Variants in TPD52 observed in about 807,000 individuals in gnomAD.
The protein encoded by TPD52 is prostate and colon associated protein.
Under a neutral mutation model 31.3 loss-of-function variants are expected in TPD52, and 17 were observed. The ratio of observed to expected loss-of-function variants is 0.54; its 90% CI spans 0.37 to 0.82. The LOEUF is 0.82. Ranked by LOEUF, TPD52 falls within the 40% of genes least tolerant of loss-of-function variation. The pLI, the probability that TPD52 is intolerant of heterozygous loss-of-function variation, is 0.00. For synonymous variants in TPD52, 83 were observed against 89.6 expected, an observed-to-expected ratio of 0.93 and a Z score of 0.42; for missense variants, 212 against 240.1, an observed-to-expected ratio of 0.88 and a Z score of 0.77.
At chr8:80,063,810 T>C (rs934171029) in intron 2 of TPD52, among the ~76,000 whole-genome samples, 8 of 148,154 alleles carry the variant, frequency 5.4e-5, no homozygotes, top group African/African-American at 1.0e-4. Flanking sequence ...AAATAAAATA[T>C]AATAAAATGG....
intron 1 of TPD52, among the ~76,000 whole-genome samples, chr8:80,162,741 G>A (rs140009799): frequency 2.1e-4 from 32 of 151,990 alleles, no homozygotes; most frequent in Admixed American, 5.2e-4. Flanking sequence ...TAAAAAAGTC[G>A]TACAACTCAA....
At chr8:80,097,462 G>A (rs935768094) in intron 1 of TPD52, among the ~76,000 whole-genome samples, 1 of 152,216 alleles carries the variant, frequency 6.6e-6, no homozygotes, top group Non-Finnish European at 1.5e-5. Flanking sequence ...GGCCTGCTGG[G>A]AGGTGATTAG....
intron 2 of TPD52, among the ~76,000 whole-genome samples, chr8:80,062,993 T>A (rs979390723): frequency 6.6e-6 from 1 of 152,026 alleles, no homozygotes; most frequent in African/African-American, 2.4e-5. Context: ...GTTAAAAAAA[T>A]TTTAAAACAT....
downstream of TPD52, among the ~76,000 whole-genome samples, chr8:80,031,699 A>C (rs1809698434): frequency 6.6e-6 from 1 of 152,154 alleles, no homozygotes; most frequent in African/African-American, 2.4e-5. Context: ...CTACCAAAAA[A>C]TAGAAAAATC....
intron 1 of TPD52, among the ~76,000 whole-genome samples, chr8:80,105,567 A>G (rs1460725357): frequency 6.6e-6 from 1 of 152,124 alleles, no homozygotes. Context: ...TTTTTGAGCC[A>G]TGAGTCTTGC....
chr8:80,125,918 C>G (rs965762907), intron 1 of TPD52, among the ~76,000 whole-genome samples: 4 of 152,188 alleles, frequency 2.6e-5, no homozygotes, highest in Non-Finnish European at 4.4e-5. Context: ...TCATCACACA[C>G]GGCCTAAGTG....
chr8:80,108,975 A>G (rs1305823647), intron 1 of TPD52, among the ~76,000 whole-genome samples: 1 of 152,218 alleles, frequency 6.6e-6, no homozygotes, highest in Non-Finnish European at 1.5e-5. Context: ...TATTTGCATA[A>G]GTTCAAAAAG....
rs1404712386 is a variant in TPD52, at chr8:80,094,482, A to ATATG, written c.20-29893_20-29890dup. 2.7e-3 allele frequency among the ~76,000 whole-genome samples: 281 copies of ATATG among 104,898 alleles called. 1 individual carries two copies. Among genetic ancestry groups the ATATG allele is most frequent in the Non-Finnish European group, 3.5e-3 (170 of 48,738 alleles). The allele number at this position is 104,898 out of a possible 152,430, so 68.8% of individuals were successfully genotyped here. A position where few individuals can be genotyped will look rare whatever the true frequency, so the allele number is the denominator to read the frequency against. ...TATATATATATATATATATATATAT[A>ATATG]TATGTATGTATATATAACATGAGGG... On this transcript the variant is annotated intron_variant, in intron 1 of 7. Transcript: ENST00000518937.
chr8:80,141,913 A>G (rs1016870210), intron 1 of TPD52, among the ~76,000 whole-genome samples: 19 of 130,816 alleles, frequency 1.5e-4, no homozygotes, highest in Admixed American at 4.0e-4. Context: ...CTGGCTCAAA[A>G]AAACAATAAA....
chr8:80,082,098 G>A (rs892781054), intron 1 of TPD52, among the ~76,000 whole-genome samples: 9 of 150,704 alleles, frequency 6.0e-5, no homozygotes, highest in Non-Finnish European at 2.9e-5. Context: ...GTGAGCCACC[G>A]TGCCCGGACT....
intron 2 of TPD52, among the ~76,000 whole-genome samples, chr8:80,063,914 AGAGG>A (rs1170942078): frequency 1.6e-4 from 18 of 112,262 alleles, no homozygotes; most frequent in Admixed American, 6.5e-4. Context: ...GGGGAATGGC[AGAGG>A]GAGGGAGGGG....
At chr8:80,064,739 C>T (rs1221856508) in intron 1 of TPD52, 146 bp from the exon 2 acceptor site, 5 of 708,952 alleles carry the variant, frequency 7.1e-6, no homozygotes, top group Non-Finnish European at 1.0e-5. Context: ...CTGGCTTTCT[C>T]AGCAAAGGAC....
At chr8:80,053,758 A>C (rs1586167057) in intron 2 of TPD52, among the ~76,000 whole-genome samples, 2 of 151,892 alleles carry the variant, frequency 1.3e-5, no homozygotes, top group Non-Finnish European at 2.9e-5. Flanking sequence ...TTAATAAAGC[A>C]CTCTAACATC....
At chr8:80,131,284 G>C (rs1809002020) in intron 1 of TPD52, among the ~76,000 whole-genome samples, 1 of 152,166 alleles carries the variant, frequency 6.6e-6, no homozygotes, top group African/African-American at 2.4e-5. Context: ...GATTCCATCT[G>C]CCTGTTATAC....
At chr8:80,060,322 C>G (rs1162420279) in intron 2 of TPD52, among the ~76,000 whole-genome samples, 3 of 149,426 alleles carry the variant, frequency 2.0e-5, no homozygotes, top group Non-Finnish European at 3.0e-5. Flanking sequence ...AATGACTAAA[C>G]TGACCCAACA....
intron 1 of TPD52, among the ~76,000 whole-genome samples, chr8:80,069,726 A>G (rs1813559480): frequency 6.6e-6 from 1 of 152,236 alleles, no homozygotes; most frequent in Admixed American, 6.5e-5. Context: ...ATGAAACAAA[A>G]AATAATAGTA....
intron 1 of TPD52, among the ~76,000 whole-genome samples, chr8:80,141,893 G>A (rs760840068): frequency 2.0e-5 from 3 of 151,728 alleles, no homozygotes; most frequent in Non-Finnish European, 4.4e-5. Flanking sequence ...CTGGGCGACA[G>A]AGCCAGACTC....
chr8:80,064,606 T>G lies in TPD52; in HGVS notation c.20-13A>C. 1 of 1,606,536 alleles carries G rather than the reference T, an allele frequency of 6.2e-7. No individual in the cohort carries two copies. The highest frequency in any genetic ancestry group is 8.5e-7 in the Non-Finnish European group (1 of 1,173,174). On this transcript the variant is annotated splice_polypyrimidine_tract_variant and intron_variant, in intron 1 of 7. Coordinates refer to ENST00000518937, the MANE Select transcript of TPD52 (RefSeq NM_001025253.3). ...GTTCTCAGCAGACCTGGTTGGGGATTTAAACCATTTTTTAAAGTGCAAAAT... is the reference window on the plus strand; with the variant it reads ...GTTCTCAGCAGACCTGGTTGGGGATGTAAACCATTTTTTAAAGTGCAAAAT...
intron 1 of TPD52, among the ~76,000 whole-genome samples, chr8:80,117,963 AC>A (rs1563639136): frequency 6.6e-6 from 1 of 151,718 alleles, no homozygotes; most frequent in Non-Finnish European, 1.5e-5. Context: ...CGATCTCCTG[AC>A]CTCGTGATCC....
Sources: allele counts gnomAD v4.1 joint callset (sites outside exome capture counted in the v4.1 genomes callset), GRCh38; gene constraint gnomAD v4.1.1; transcripts MANE v1.5; gene names NCBI Gene and HGNC (gene_info 2026-07-23, HGNC 2026-07-21).